The following UNCX variants were observed in gnomAD, a reference collection of about 807,000 sequenced individuals.
The protein encoded by UNCX is homeobox protein unc-4 homolog.
In UNCX, 4 loss-of-function variants were observed where a neutral mutation model predicts 14.8. That is an observed-to-expected ratio of 0.27 (90% CI 0.13 to 0.62). The LOEUF is 0.62. UNCX is among the 20% of genes least tolerant of loss of function. The pLI is 0.86. For synonymous variants in UNCX, 459 were observed against 395.8 expected (o/e 1.16, Z -1.90); for missense variants, 749 against 786.8 (o/e 0.95, Z 0.58).
At chr7:1,235,371 A>C (rs1018899634) in intron 2 of UNCX, among the ~76,000 whole-genome samples, 5 of 152,254 alleles carry the variant, frequency 3.3e-5, no homozygotes, top group Admixed American at 1.3e-4. Context: ...CAAGGGGCCG[A>C]AGACAGGTGT....
chr7:1,236,546 T>C lies in UNCX; in HGVS notation c.1165T>C (p.Phe389Leu). 2 of 1,377,142 alleles carry C rather than the reference T, an allele frequency of 1.5e-6. No homozygotes were observed. The highest frequency in any genetic ancestry group is 9.5e-7 in the Non-Finnish European group (1 of 1,056,108). 85.3% of individuals were successfully genotyped at this position (1,377,142 alleles called of 1,614,324 possible). ...LLYPITQPLG[F>L]LVPQAALKGG... ...CTACCCCATCACGCAGCCGCTCGGC[T>C]TCCTGGTGCCGCAGGCCGCGCTCAA... The change falls in exon 3 of 3, where the codon TTC becomes CTC. Residue 389 changes from phenylalanine to leucine, a missense_variant. Physicochemically the swap from Phe to Leu is conservative, Grantham distance 22. Around this residue, in one of 3 missense-constraint regions of UNCX, gnomAD observed 552 missense variants for 507.2 expected, o/e 1.09. Transcript: ENST00000316333. The surrounding 1 kb of genome is among the most constrained non-coding windows in gnomAD (Gnocchi z 6.9).
rs1281771816 is a variant in UNCX at position 1,233,932 on chromosome 7, C to T, written c.450+237C>T. Among the ~76,000 whole-genome samples the T allele has an allele frequency of 6.6e-6, 1 of 152,250 alleles. No homozygotes were observed. Among genetic ancestry groups the T allele is most frequent in the Non-Finnish European group, 1.5e-5 (1 of 68,040 alleles). Reference sequence around the variant, plus strand: ...CTTGAGAAGGGCCGGCGGCAGCACCCGAGTCACCAGAACAGCGGCTGCGTC... The same window carrying T: ...CTTGAGAAGGGCCGGCGGCAGCACCTGAGTCACCAGAACAGCGGCTGCGTC... On this transcript the variant is annotated intron_variant, in intron 2 of 2. Transcript: ENST00000316333. This position sits in a 1 kb window ranked among gnomAD's most constrained non-coding sequence, Gnocchi z 5.3.
In UNCX at chr7:1,236,420, G is replaced by A. The variant is rs1199694714; in HGVS notation, c.1039G>A (p.Ala347Thr). The A allele has an allele frequency of 1.2e-5, 16 of 1,369,470 alleles. No homozygotes were observed. In the East Asian group the frequency reaches 2.8e-4, roughly 24 times the overall value. 84.8% of individuals were successfully genotyped at this position (1,369,470 alleles called of 1,614,324 possible). Residue 347 changes from alanine (A) to threonine (T), a missense_variant, in exon 3 of 3, where the codon GCC becomes ACC. This residue lies in a region of UNCX where 552 missense variants were observed against 507.2 expected (regional missense o/e 1.09). Coordinates refer to ENST00000316333, the MANE Select transcript of UNCX (RefSeq NM_001080461.3). The surrounding 1 kb of genome is among the most constrained non-coding windows in gnomAD (Gnocchi z 6.9). ...LLSDSPPRRK[A>T]ASNAAAAAAA... ...GTCCGACTCGCCGCCGCGCCGGAAA[G>A]CCGCTTCCAACGCCGCCGCCGCCGC...
Position 1,233,879 on chromosome 7 carries a change from G to C in UNCX, c.450+184G>C, listed in dbSNP as rs1349935743. On this transcript the variant is annotated intron_variant, in intron 2 of 2. Transcript: ENST00000316333. The surrounding 1 kb of genome is among the most constrained non-coding windows in gnomAD (Gnocchi z 5.3). ...TCGGCCCCTCACGGACAGCGGGGTGGGTAACTGCCCCCCAAAAGCCTGGGC... is the reference window on the plus strand; with the variant it reads ...TCGGCCCCTCACGGACAGCGGGGTGCGTAACTGCCCCCCAAAAGCCTGGGC... 1.3e-5 allele frequency among the ~76,000 whole-genome samples: 2 copies of C among 152,252 alleles called. No individual in the cohort carries two copies. Among genetic ancestry groups the C allele is most frequent in the African/African-American group, 2.4e-5 (1 of 41,464 alleles).
In UNCX at chr7:1,232,969, GCCCGCGCC is replaced by G; in HGVS notation, c.-38_-31del. 1.0e-6 allele frequency: 1 copy of G among 990,058 alleles called. No homozygotes were observed. 61.3% of individuals were successfully genotyped at this position (990,058 alleles called of 1,614,324 possible). A position where few individuals can be genotyped will look rare whatever the true frequency, so the allele number is the denominator to read the frequency against. ...CCGCCGCTGGCCCGCCCCGGCCCCG[GCCCGCGCC>G]CCCGCGCCCCGCCACCGGCCCCGCC... On this transcript the variant is annotated 5_prime_UTR_variant, in exon 1 of 3. Coordinates refer to ENST00000316333, the MANE Select transcript of UNCX (RefSeq NM_001080461.3).
chr7:1,235,605 C>T (rs1043403294), intron 2 of UNCX, among the ~76,000 whole-genome samples: 5 of 152,272 alleles, frequency 3.3e-5, no homozygotes, highest in Non-Finnish European at 5.9e-5. Flanking sequence ...GGGAAGCTGG[C>T]CGAGAGGCCC....
In UNCX at chr7:1,236,779, A is replaced by G. The variant is rs1778752611; in HGVS notation, c.1398A>G (p.Ala466=). 1 of 986,416 alleles carries G rather than the reference A, an allele frequency of 1.0e-6. No homozygotes were observed. Among genetic ancestry groups the G allele is most frequent in the Non-Finnish European group, 1.2e-6 (1 of 832,520 alleles). The allele number at this position is 986,416 out of a possible 1,614,324, so 61.1% of individuals were successfully genotyped here. A position where few individuals can be genotyped will look rare whatever the true frequency, so the allele number is the denominator to read the frequency against. Reference sequence around the variant, plus strand: ...CGCCTTTCCGGGACCTCGCCTCGGCAGCGGCTACCGAGGGCGGCGGCGGGG... The same window carrying G: ...CGCCTTTCCGGGACCTCGCCTCGGCGGCGGCTACCGAGGGCGGCGGCGGGG... The part of the protein sequence containing the change: ...APAPFRDLAS[A]AATEGGGGDC... The change falls in exon 3 of 3, where the codon GCA becomes GCG. Residue 466 remains alanine, a synonymous_variant. Coordinates refer to ENST00000316333, the MANE Select transcript of UNCX (RefSeq NM_001080461.3). The surrounding 1 kb of genome is among the most constrained non-coding windows in gnomAD (Gnocchi z 6.9).
At position 1,233,333 on chromosome 7, in the gene UNCX, G is replaced by A. The variant is rs1368810678; in HGVS notation, c.274+42G>A. The A allele has an allele frequency of 3.0e-6, 4 of 1,322,318 alleles. No homozygotes were observed. Among genetic ancestry groups the A allele is most frequent in the Non-Finnish European group, 3.8e-6 (4 of 1,042,784 alleles). The allele number at this position is 1,322,318 out of a possible 1,614,324, so 81.9% of individuals were successfully genotyped here. ...GGAGGGCGGGGAGGAGTGCGGCTGGGGGCGGGGGCCCTGGTCCGGCCGAGG... is the reference window on the plus strand; with the variant it reads ...GGAGGGCGGGGAGGAGTGCGGCTGGAGGCGGGGGCCCTGGTCCGGCCGAGG... On this transcript the variant is annotated intron_variant, in intron 1 of 2. Coordinates refer to ENST00000316333, the MANE Select transcript of UNCX (RefSeq NM_001080461.3). The surrounding 1 kb of genome is among the most constrained non-coding windows in gnomAD (Gnocchi z 5.3).
rs1355173937 is a variant in UNCX at position 1,235,978 on chromosome 7, G to C, written c.597G>C (p.Lys199Asn). The change falls in exon 3 of 3, where the codon AAG (lysine) becomes AAC (asparagine). Residue 199 changes from lysine (K) to asparagine (N), a missense_variant. Transcript: ENST00000316333. Reference sequence around the variant, plus strand: ...AGATCGCGCGCAAGGAGCTGGAGAAGATGGAGAAGAAGAAGCGCAAGCACG... The same window carrying C: ...AGATCGCGCGCAAGGAGCTGGAGAACATGGAGAAGAAGAAGCGCAAGCACG... ...PEEIARKELE[K>N]MEKKKRKHEK... is the part of the protein sequence containing the mutation. 1.2e-6 allele frequency: 2 copies of C among 1,611,148 alleles called. No individual in the cohort carries two copies. The highest frequency in any genetic ancestry group is 1.7e-6 in the Non-Finnish European group (2 of 1,179,240).
Position 1,236,244 on chromosome 7 carries a change from G to A in UNCX, c.863G>A (p.Ser288Asn). 7.3e-7 allele frequency: 1 copy of A among 1,372,188 alleles called. No individual in the cohort carries two copies. The highest frequency in any genetic ancestry group is 1.4e-5 in the South Asian group (1 of 73,320). 85.0% of individuals were successfully genotyped at this position (1,372,188 alleles called of 1,614,324 possible). A position where few individuals can be genotyped will look rare whatever the true frequency, so the allele number is the denominator to read the frequency against. ...ACCTGCGACCCCGCCTTCTACCCGA[G>A]CCAAAGAAGCGGCGCCGGCCCACAG... ...PGTCDPAFYPSQRSGAGPQPR... is the reference protein window; with the variant it reads ...PGTCDPAFYPNQRSGAGPQPR... Residue 288 changes from serine to asparagine, a missense_variant, in exon 3 of 3, where the codon AGC becomes AAC. Physicochemically the swap from Ser to Asn is conservative, Grantham distance 46 (BLOSUM62 1). Transcript: ENST00000316333. This position sits in a 1 kb window ranked among gnomAD's most constrained non-coding sequence, Gnocchi z 6.9.
chr7:1,236,404 G>A lies in UNCX; in HGVS notation c.1023G>A (p.Ser341=). 4 of 1,368,860 alleles carry A rather than the reference G, an allele frequency of 2.9e-6. No homozygotes were observed. The highest frequency in any genetic ancestry group is 3.5e-5 in the East Asian group (1 of 28,696). The allele number at this position is 1,368,860 out of a possible 1,614,324, so 84.8% of individuals were successfully genotyped here. The part of the protein sequence containing the change: ...PFSVESLLSD[S]PPRRKAASNA... ...GCGTGGAGAGCCTCCTGTCCGACTC[G>A]CCGCCGCGCCGGAAAGCCGCTTCCA... Residue 341 remains serine, a synonymous_variant, in exon 3 of 3, where the codon TCG becomes TCA. Coordinates refer to ENST00000316333, the MANE Select transcript of UNCX (RefSeq NM_001080461.3). This position sits in a 1 kb window ranked among gnomAD's most constrained non-coding sequence, Gnocchi z 6.9.
At position 1,236,195 on chromosome 7, in the gene UNCX, C is replaced by T. The variant is rs1263717757; in HGVS notation, c.814C>T (p.Pro272Ser). The stretch of plus-strand genomic sequence containing the variant: ...CGCCGCGGGGACCGCGCCCGCCCCT[C>T]CCGGCGAGCCGCCTGCACCCGGCAC... ...SGAAGTAPAP[P>S]GEPPAPGTCD... The change falls in exon 3 of 3, where the codon CCC (proline) becomes TCC (serine). Residue 272 changes from proline (P) to serine (S), a missense_variant. Coordinates refer to ENST00000316333, the MANE Select transcript of UNCX (RefSeq NM_001080461.3). The surrounding 1 kb of genome is among the most constrained non-coding windows in gnomAD (Gnocchi z 6.9). The T allele has an allele frequency of 3.1e-6, 4 of 1,304,098 alleles. No individual in the cohort carries two copies. Among genetic ancestry groups the T allele is most frequent in the Non-Finnish European group, 3.9e-6 (4 of 1,014,266 alleles). 80.8% of individuals were successfully genotyped at this position (1,304,098 alleles called of 1,614,324 possible).
chr7:1,233,190 T>C lies in UNCX; in HGVS notation c.173T>C (p.Leu58Pro). Residue 58 changes from leucine to proline, a missense_variant, in exon 1 of 3, where the codon CTC (leucine) becomes CCC (proline). By Grantham distance (98) the Leu-to-Pro change is moderately conservative. This residue lies in a region of UNCX where 155 missense variants were observed against 166.7 expected (regional missense o/e 0.93). Transcript: ENST00000316333. The surrounding 1 kb of genome is among the most constrained non-coding windows in gnomAD (Gnocchi z 5.3). ...GTGCCCTTCTCCATCGACGGCCTGC[T>C]CGGGGGCTCGTGCGCCGCCGCCGCC... ...ASVPFSIDGLLGGSCAAAASV... is the reference protein window; with the variant it reads ...ASVPFSIDGLPGGSCAAAASV... 6.9e-7 allele frequency: 1 copy of C among 1,451,506 alleles called. No individual in the cohort carries two copies. Among genetic ancestry groups the C allele is most frequent in the Non-Finnish European group, 9.0e-7 (1 of 1,105,296 alleles). The allele number at this position is 1,451,506 out of a possible 1,614,324, so 89.9% of individuals were successfully genotyped here.
rs1562375987 is a variant in UNCX at position 1,236,490 on chromosome 7, GGACCCTGAT to G, written c.1110_1118del (p.Thr371_Ile373del). 1 of 1,400,728 alleles carries G rather than the reference GGACCCTGAT, an allele frequency of 7.1e-7. No individual in the cohort carries two copies. The highest frequency in any genetic ancestry group is 1.4e-5 in the South Asian group (1 of 72,680). 86.8% of individuals were successfully genotyped at this position (1,400,728 alleles called of 1,614,324 possible). A position where few individuals can be genotyped will look rare whatever the true frequency, so the allele number is the denominator to read the frequency against. ...GCGCCCGGGCTGCCGTGCGCGCCGC[GGACCCTGAT>G]CGGCAAGGGCCACTTCCTCCTCTAC... On this transcript the variant is annotated inframe_deletion, in exon 3 of 3. Coordinates refer to ENST00000316333, the MANE Select transcript of UNCX (RefSeq NM_001080461.3). The surrounding 1 kb of genome is among the most constrained non-coding windows in gnomAD (Gnocchi z 6.9).
rs1227753791 is a variant in UNCX at position 1,233,774 on chromosome 7, G to A, written c.450+79G>A. 6.0e-6 allele frequency: 9 copies of A among 1,502,780 alleles called. No homozygotes were observed. The highest frequency in any genetic ancestry group is 7.1e-6 in the Non-Finnish European group (8 of 1,120,234). 93.1% of individuals were successfully genotyped at this position (1,502,780 alleles called of 1,614,324 possible). A position where few individuals can be genotyped will look rare whatever the true frequency, so the allele number is the denominator to read the frequency against. ...GCGCCGGGACGCCTTTGTTCCAGGT[G>A]GCGAGATATCGTCCCCTTGCCGCGG... is the stretch of plus-strand genomic sequence containing the variant. On this transcript the variant is annotated intron_variant, in intron 2 of 2. Coordinates refer to ENST00000316333, the MANE Select transcript of UNCX (RefSeq NM_001080461.3). This position sits in a 1 kb window ranked among gnomAD's most constrained non-coding sequence, Gnocchi z 5.3.
chr7:1,233,343 C>T lies in UNCX; in HGVS notation c.274+52C>T, dbSNP rs926459829. 47 of 1,332,976 alleles carry T rather than the reference C, an allele frequency of 3.5e-5. No individual in the cohort carries two copies. Among genetic ancestry groups the T allele is most frequent in the Non-Finnish European group, 4.3e-5 (45 of 1,049,232 alleles). 82.6% of individuals were successfully genotyped at this position (1,332,976 alleles called of 1,614,324 possible). ...GAGGAGTGCGGCTGGGGGCGGGGGC[C>T]CTGGTCCGGCCGAGGCGCTGGGGGG... On this transcript the variant is annotated intron_variant, in intron 1 of 2. Coordinates refer to ENST00000316333, the MANE Select transcript of UNCX (RefSeq NM_001080461.3). This position sits in a 1 kb window ranked among gnomAD's most constrained non-coding sequence, Gnocchi z 5.3.
rs536643252 is a variant in UNCX at position 1,233,296 on chromosome 7, G to C, written c.274+5G>C. 6.9e-4 allele frequency: 904 copies of C among 1,319,578 alleles called. 7 individuals are homozygous for C. In the African/African-American group the frequency reaches 0.013, roughly 19 times the overall value. The allele number at this position is 1,319,578 out of a possible 1,614,324, so 81.7% of individuals were successfully genotyped here. On this transcript the variant is annotated splice_donor_5th_base_variant and intron_variant, in intron 1 of 2. Coordinates refer to ENST00000316333, the MANE Select transcript of UNCX (RefSeq NM_001080461.3). The surrounding 1 kb of genome is among the most constrained non-coding windows in gnomAD (Gnocchi z 5.3). The stretch of plus-strand genomic sequence containing the variant: ...GCCAGCCCTTCAAGCTGTCAGGTAG[G>C]CGCGGCGGGCGGGAGGGCGGGGAGG...
chr7:1,236,794 C>A lies in UNCX; in HGVS notation c.1413C>A (p.Gly471=), dbSNP rs1244282588. ...TCGCCTCGGCAGCGGCTACCGAGGG[C>A]GGCGGCGGGGACTGCGCGGACGCGG... ...RDLASAAATE[G]GGGDCADAGT... The change falls in exon 3 of 3, where the codon GGC becomes GGA. Residue 471 remains glycine (G), a synonymous_variant. Coordinates refer to ENST00000316333, the MANE Select transcript of UNCX (RefSeq NM_001080461.3). This position sits in a 1 kb window ranked among gnomAD's most constrained non-coding sequence, Gnocchi z 6.9. 1 of 986,924 alleles carries A rather than the reference C, an allele frequency of 1.0e-6. No homozygotes were observed. Among genetic ancestry groups the A allele is most frequent in the Non-Finnish European group, 1.2e-6 (1 of 832,490 alleles). 61.1% of individuals were successfully genotyped at this position (986,924 alleles called of 1,614,324 possible).
In UNCX at chr7:1,237,196, C is replaced by A; in HGVS notation, c.*219C>A. On this transcript the variant is annotated 3_prime_UTR_variant, in exon 3 of 3. Coordinates refer to ENST00000316333, the MANE Select transcript of UNCX (RefSeq NM_001080461.3). The surrounding 1 kb of genome is among the most constrained non-coding windows in gnomAD (Gnocchi z 5.8). ...ACTGGGGGTGAGACCCTCCTCCTCCCAAGAGAGCAAAAAGGACCCATGGCC... is the reference window on the plus strand; with the variant it reads ...ACTGGGGGTGAGACCCTCCTCCTCCAAAGAGAGCAAAAAGGACCCATGGCC... The A allele has an allele frequency of 3.9e-6, 1 of 253,350 alleles. No individual in the cohort carries two copies. The highest frequency in any genetic ancestry group is 6.7e-6 in the Non-Finnish European group (1 of 148,664). 15.7% of individuals were successfully genotyped at this position (253,350 alleles called of 1,614,324 possible). A position where few individuals can be genotyped will look rare whatever the true frequency, so the allele number is the denominator to read the frequency against.
Sources: allele counts gnomAD v4.1 joint callset (sites outside exome capture counted in the v4.1 genomes callset), GRCh38; gene constraint gnomAD v4.1.1; regional missense constraint gnomAD v4.1.1; non-coding constraint Gnocchi (gnomAD v3.1); transcripts MANE v1.5; gene names NCBI Gene and HGNC (gene_info 2026-07-23, HGNC 2026-07-21).